The following MTF1 variants were observed in gnomAD, a reference collection of about 807,000 sequenced individuals.
The protein encoded by MTF1 is metal regulatory transcription factor 1.
In MTF1, 22 loss-of-function variants were observed where a neutral mutation model predicts 70.4. The ratio of observed to expected loss-of-function variants is 0.31; its 90% CI spans 0.22 to 0.45. MTF1 has a LOEUF of 0.45. MTF1 is among the 20% of genes least tolerant of loss of function. The probability of loss-of-function intolerance (pLI) is 1.00; values close to 1 mark genes in which losing one functional copy is unlikely to be tolerated. For synonymous variants in MTF1, 333 were observed against 352.8 expected, an observed-to-expected ratio of 0.94 and a Z score of 0.63; for missense variants, 649 against 922.0, an observed-to-expected ratio of 0.70 and a Z score of 3.83.
intron 4 of MTF1, among the ~76,000 whole-genome samples, chr1:37,837,244 A>G (rs995200630): frequency 1.3e-5 from 2 of 151,974 alleles, no homozygotes; most frequent in African/African-American, 2.4e-5. Flanking sequence ...AATTTTCTGT[A>G]GAGTCAGGGT....
chr1:37,850,240 CAAAAA>C (rs5773605), intron 2 of MTF1, among the ~76,000 whole-genome samples: 8 of 66,326 alleles, frequency 1.2e-4, no homozygotes, highest in Admixed American at 4.1e-4. Flanking sequence ...CTGTCTCAAC[CAAAAA>C]AAAAAAAAAA....
chr1:37,834,916 G>A (rs180876686), intron 6 of MTF1, among the ~76,000 whole-genome samples, 163 bp downstream of exon 6: 40 of 152,322 alleles, frequency 2.6e-4, no homozygotes, highest in African/African-American at 7.2e-4. Context: ...TGAAGACGTC[G>A]AGTAGGTGGT....
intron 2 of MTF1, among the ~76,000 whole-genome samples, chr1:37,853,399 C>T (rs1363828743): frequency 6.6e-6 from 1 of 152,214 alleles, no homozygotes; most frequent in African/African-American, 2.4e-5. Flanking sequence ...ACCCCACTGC[C>T]TGTTTTTGTA....
intron 7 of MTF1, among the ~76,000 whole-genome samples, chr1:37,831,047 G>A (rs28583821): frequency 0.3 from 45,692 of 152,088 alleles, 6,876 homozygotes; most frequent in Middle Eastern, 0.39. Flanking sequence ...GCCCAAGGTG[G>A]ATAAGCCATA....
At chr1:37,854,678 A>G (rs1030531249) in intron 2 of MTF1, among the ~76,000 whole-genome samples, 1 of 152,246 alleles carries the variant, frequency 6.6e-6, no homozygotes, top group Non-Finnish European at 1.5e-5. Flanking sequence ...TAATTGTAGT[A>G]CAGTGTCCAG....
intron 6 of MTF1, 118 bp from the exon 7 acceptor site, chr1:37,832,440 C>A: frequency 1.5e-6 from 1 of 663,834 alleles, no homozygotes. Context: ...CATGTATTAT[C>A]TGAAGAAGTA....
In MTF1 at chr1:37,857,636, T is replaced by C. The variant is rs1208517353; in HGVS notation, c.23A>G (p.Asn8Ser). The part of the protein sequence containing the change: MGEHSPD[N>S]NIIYFEAEED... Reference sequence around the variant, plus strand: ...CTCTGCCTCAAAGTAGATGATGTTGTTGTCTGGACTGTGTTCCCCCATGGT... The same window carrying C: ...CTCTGCCTCAAAGTAGATGATGTTGCTGTCTGGACTGTGTTCCCCCATGGT... The change falls in exon 2 of 11, where the codon AAC (asparagine) becomes AGC (serine). Residue 8 changes from asparagine to serine, a missense_variant. This residue lies in a region of MTF1 where 34 missense variants were observed against 38.7 expected (regional missense o/e 0.88). Transcript: ENST00000373036. The C allele has an allele frequency of 1.2e-6, 2 of 1,613,958 alleles. No individual in the cohort carries two copies.
Position 37,817,482 on chromosome 1 carries a change from G to T in MTF1, c.1768C>A (p.Gln590Lys), listed in dbSNP as rs1640837937. The change falls in exon 10 of 11, where the codon CAG (glutamine) becomes AAG (lysine). Residue 590 changes from glutamine (Q) to lysine (K), a missense_variant and splice_region_variant. Around this residue, in one of 7 missense-constraint regions of MTF1, gnomAD observed 39 missense variants for 97.8 expected, o/e 0.40. Transcript: ENST00000373036. Reference protein sequence around the residue: ...TSSPQNQEQIQQASKVEKVFF... With the variant: ...TSSPQNQEQIKQASKVEKVFF... ...ACCTTCTCAACTTTAGATGCTTGCT[G>T]CTGAAAAAAGAAAAAGAAATCTCAT... 3.1e-6 allele frequency: 5 copies of T among 1,609,084 alleles called. No individual in the cohort carries two copies. Among genetic ancestry groups the T allele is most frequent in the Non-Finnish European group, 4.3e-6 (5 of 1,175,530 alleles).
chr1:37,821,290 G>T (rs1409679812), intron 9 of MTF1, among the ~76,000 whole-genome samples: 1 of 151,932 alleles, frequency 6.6e-6, no homozygotes, highest in African/African-American at 2.4e-5. Flanking sequence ...ATGTACGTAG[G>T]TAATAACTGA....
Position 37,859,565 on chromosome 1 carries a change from T to G in MTF1, c.-86A>C, listed in dbSNP as rs572597208. 3.0e-5 allele frequency: 12 copies of G among 399,006 alleles called. No homozygotes were observed. The East Asian group carries it at 3.6e-4, about 12-fold the overall frequency. 24.7% of individuals were successfully genotyped at this position (399,006 alleles called of 1,614,324 possible). On this transcript the variant is annotated 5_prime_UTR_variant, in exon 1 of 11. Coordinates refer to ENST00000373036, the MANE Select transcript of MTF1 (RefSeq NM_005955.3). ...TCCCGGCAACGGCGGCAGCAGCAGC[T>G]TCTCCCCTCCCCAGCGGCACCATGA...
chr1:37,831,225 A>G (rs917441414), intron 7 of MTF1, among the ~76,000 whole-genome samples: 5 of 152,174 alleles, frequency 3.3e-5, no homozygotes, highest in African/African-American at 1.2e-4. Flanking sequence ...TCATAAGAGC[A>G]ACTCTGCCAC....
chr1:37,823,853 G>C (rs1640961395), intron 7 of MTF1, 41 bp from the exon 8 acceptor site: 1 of 1,441,756 alleles, frequency 6.9e-7, no homozygotes, highest in Admixed American at 1.7e-5. Flanking sequence ...GCCATCTTGA[G>C]ACAATTCTTC....
In MTF1 at chr1:37,812,884, C is replaced by T. The variant is rs895677262; in HGVS notation, c.*2252G>A. The T allele has an allele frequency of 1.3e-5, 2 of 152,212 alleles. No individual in the cohort carries two copies. The highest frequency in any genetic ancestry group is 4.8e-5 in the African/African-American group (2 of 41,438). The allele number at this position is 152,212 out of a possible 1,614,324, so 9.4% of individuals were successfully genotyped here. ...AACTCATGCTCAGCAGTTGGTTTTC[C>T]AGGAGGACTGGAAACCTCCTGCCTT... On this transcript the variant is annotated 3_prime_UTR_variant, in exon 11 of 11. Coordinates refer to ENST00000373036, the MANE Select transcript of MTF1 (RefSeq NM_005955.3).
chr1:37,820,081 G>A (rs1640888318), intron 9 of MTF1, among the ~76,000 whole-genome samples: 2 of 151,610 alleles, frequency 1.3e-5, no homozygotes, highest in South Asian at 4.2e-4. Context: ...AAAACCACAT[G>A]GAGGCGGGCT....
Position 37,840,655 on chromosome 1 carries a change from C to T in MTF1, c.409-497G>A, listed in dbSNP as rs563097059. Among the ~76,000 whole-genome samples the T allele has an allele frequency of 1.1e-4, 16 of 152,160 alleles. No homozygotes were observed. Among genetic ancestry groups the T allele is most frequent in the Non-Finnish European group, 1.6e-4 (11 of 68,028 alleles). Reference sequence around the variant, plus strand: ...GCATATTTTCAAGCCTACAAAATGACAACAACATATTGCAAATTTCTTGGA... The same window carrying T: ...GCATATTTTCAAGCCTACAAAATGATAACAACATATTGCAAATTTCTTGGA... On this transcript the variant is annotated intron_variant, in intron 2 of 10. Transcript: ENST00000373036. This position sits in a 1 kb window ranked among gnomAD's most constrained non-coding sequence, Gnocchi z 4.5.
chr1:37,817,547 A>C, intron 9 of MTF1, 65 bp from the exon 10 acceptor site: 1 of 1,090,506 alleles, frequency 9.2e-7, no homozygotes, highest in Non-Finnish European at 1.4e-6. Context: ...AGGGACCTGA[A>C]GCCTCACCAA....
At position 37,815,416 on chromosome 1, in the gene MTF1, G is replaced by C; in HGVS notation, c.1982C>G (p.Pro661Arg). 1 of 1,613,632 alleles carries C rather than the reference G, an allele frequency of 6.2e-7. No homozygotes were observed. Among genetic ancestry groups the C allele is most frequent in the African/African-American group, 1.3e-5 (1 of 74,998 alleles). Residue 661 changes from proline (P) to arginine (R), a missense_variant, in exon 11 of 11, where the codon CCG becomes CGG. Physicochemically the swap from Pro to Arg is moderately radical, Grantham distance 103 (BLOSUM62 -2). Coordinates refer to ENST00000373036, the MANE Select transcript of MTF1 (RefSeq NM_005955.3). This position sits in a 1 kb window ranked among gnomAD's most constrained non-coding sequence, Gnocchi z 4.5. ...GGGCCCATCAGGAGCCTGGGGGCTC[G>C]GCTCTGGAGGGGGTGGGGAGGAGCA... is the stretch of plus-strand genomic sequence containing the variant. The part of the protein sequence containing the change: ...KGCSSPPPPE[P>R]SPQAPDGPSL...
chr1:37,832,369 ACAGTGG>A, intron 6 of MTF1, 47 bp from the exon 7 acceptor site: 1 of 1,192,760 alleles, frequency 8.4e-7, no homozygotes, highest in Non-Finnish European at 1.2e-6. Flanking sequence ...ATCAGGATTT[ACAGTGG>A]CATATCATGT....
intron 3 of MTF1, among the ~76,000 whole-genome samples, 179 bp from the exon 4 acceptor site, chr1:37,838,935 G>C (rs1641214522): frequency 6.6e-6 from 1 of 150,842 alleles, no homozygotes; most frequent in Non-Finnish European, 1.5e-5. Context: ...CTCCCAAGTA[G>C]ATGGGATTAT....
Sources: allele counts gnomAD v4.1 joint callset (sites outside exome capture counted in the v4.1 genomes callset), GRCh38; gene constraint gnomAD v4.1.1; regional missense constraint gnomAD v4.1.1; non-coding constraint Gnocchi (gnomAD v3.1); transcripts MANE v1.5; gene names NCBI Gene and HGNC (gene_info 2026-07-23, HGNC 2026-07-21).